FAM120AOS: variants seen among roughly 807,000 people sequenced by gnomAD.
The protein encoded by FAM120AOS is uncharacterized protein FAM120AOS.
In FAM120AOS, 15 loss-of-function variants were observed where a neutral mutation model predicts 20.2. The observed-to-expected ratio is 0.74, with a 90% CI of 0.50 to 1.15. The LOEUF is 1.15. Among genes scored for constraint, FAM120AOS ranks in the 50% most tolerant of loss-of-function variants. The pLI is 0.00. For synonymous variants in FAM120AOS, 154 were observed against 154.0 expected (o/e 1.00, Z 0.00); for missense variants, 327 against 351.9 (o/e 0.93, Z 0.57).
At chr9:93,450,907 C>T (rs902106031) in intron 1 of FAM120AOS, 14 of 1,051,802 alleles carry the variant, frequency 1.3e-5, no homozygotes, top group Admixed American at 4.0e-5. Flanking sequence ...CTAGCCATTG[C>T]GCAGTGGTAA....
intron 1 of FAM120AOS, chr9:93,451,421 C>T: frequency 7.6e-7 from 1 of 1,317,034 alleles, no homozygotes; most frequent in Non-Finnish European, 9.7e-7. Context: ...GGGAGGGGAG[C>T]GGCGGCCGAC....
Position 93,446,851 on chromosome 9 carries a change from A to G in FAM120AOS, c.*760T>C, listed in dbSNP as rs1247798438. ...GAAAAAAACAAACCAAGCAACAAAA[A>G]CAAAAAGCAGGCAGTGCTGTGTTAG... On this transcript the variant is annotated 3_prime_UTR_variant, in exon 3 of 3. Transcript: ENST00000375412. 6.6e-6 allele frequency: 1 copy of G among 152,278 alleles called. No homozygotes were observed. Among genetic ancestry groups the G allele is most frequent in the Non-Finnish European group, 1.5e-5 (1 of 68,086 alleles). The allele number at this position is 152,278 out of a possible 1,614,324, so 9.4% of individuals were successfully genotyped here.
At chr9:93,451,808 C>G (rs1384356753) in intron 1 of FAM120AOS, 26 of 974,728 alleles carry the variant, frequency 2.7e-5, no homozygotes, top group Middle Eastern at 5.2e-4. Context: ...CCCAGTCCCC[C>G]CTAGAGGCCG....
In FAM120AOS at chr9:93,453,504, G is replaced by C; in HGVS notation, c.-795C>G. ...TGTCATTTGACATTTCCTTGAAACT[G>C]CTGGAGCTGAAAGTTTGTGAAATTC... On this transcript the variant is annotated 5_prime_UTR_variant, in exon 1 of 3. Transcript: ENST00000375412. 1.0e-6 allele frequency: 1 copy of C among 985,430 alleles called. No homozygotes were observed. The highest frequency in any genetic ancestry group is 1.2e-6 in the Non-Finnish European group (1 of 829,942). 61.0% of individuals were successfully genotyped at this position (985,430 alleles called of 1,614,324 possible). A position where few individuals can be genotyped will look rare whatever the true frequency, so the allele number is the denominator to read the frequency against.
intron 1 of FAM120AOS, chr9:93,450,888 C>T: frequency 1.0e-6 from 1 of 971,798 alleles, no homozygotes; most frequent in Non-Finnish European, 1.6e-6. Context: ...CAAAGGCGCA[C>T]GTTTCAGTCT....
In FAM120AOS at chr9:93,452,017, C is replaced by A; in HGVS notation, c.563+130G>T. The stretch of plus-strand genomic sequence containing the variant: ...TGGCCCGGGGCAGCCTGGTGGGCGG[C>A]GGGCGGCAGCGGCCCCCGCAGACCC... On this transcript the variant is annotated intron_variant, in intron 1 of 2. Transcript: ENST00000375412. This position sits in a 1 kb window ranked among gnomAD's most constrained non-coding sequence, Gnocchi z 7.0. 6.4e-7 allele frequency: 1 copy of A among 1,556,650 alleles called. No homozygotes were observed. Among genetic ancestry groups the A allele is most frequent in the Non-Finnish European group, 8.7e-7 (1 of 1,151,732 alleles).
rs149410459 is a variant in FAM120AOS at position 93,446,318 on chromosome 9, C to T, written c.*1293G>A. On this transcript the variant is annotated 3_prime_UTR_variant, in exon 3 of 3. Transcript: ENST00000375412. ...TCAGCTTCATGTGATCTAGGTTACT[C>T]AAGCCTGGGGCTAGTGTTTTCATAT... Among the ~76,000 whole-genome samples the T allele has an allele frequency of 1.1e-4, 16 of 152,318 alleles. No individual in the cohort carries two copies. The highest frequency in any genetic ancestry group is 3.8e-4 in the African/African-American group (16 of 41,566).
chr9:93,451,574 C>T, intron 1 of FAM120AOS: 1 of 984,358 alleles, frequency 1.0e-6, no homozygotes, highest in Non-Finnish European at 1.2e-6. Flanking sequence ...CCCGCCGGCG[C>T]CGCCTCTTCC....
intron 1 of FAM120AOS, chr9:93,451,759 A>G (rs1339092289): frequency 2.8e-5 from 27 of 977,370 alleles, no homozygotes; most frequent in Middle Eastern, 5.2e-4. Flanking sequence ...GCGGCAGCAC[A>G]TGGCGGCCGC....
At position 93,452,374 on chromosome 9, in the gene FAM120AOS, C is replaced by T. The variant is rs368893571; in HGVS notation, c.336G>A (p.Arg112=). 5.0e-6 allele frequency: 8 copies of T among 1,609,274 alleles called. No individual in the cohort carries two copies. The highest frequency in any genetic ancestry group is 5.9e-6 in the Non-Finnish European group (7 of 1,178,516). The change falls in exon 1 of 3, where the codon CGG becomes CGA. Residue 112 remains arginine, a synonymous_variant. Coordinates refer to ENST00000375412, the MANE Select transcript of FAM120AOS (RefSeq NM_198841.4). The surrounding 1 kb of genome is among the most constrained non-coding windows in gnomAD (Gnocchi z 7.0). The part of the protein sequence containing the change: ...RIPGLTLTWK[R]MSARRMQWAM... ...CCCACTGCATCCGCCTGGCGCTCAT[C>T]CGCTTCCACGTCAAGGTGAGGCCGG...
rs1277914583 is a variant in FAM120AOS at position 93,444,197 on chromosome 9, C to T, written c.*3414G>A. Among the ~76,000 whole-genome samples, 1 of 152,020 alleles carries T rather than the reference C, an allele frequency of 6.6e-6. No individual in the cohort carries two copies. Among genetic ancestry groups the T allele is most frequent in the African/African-American group, 2.4e-5 (1 of 41,370 alleles). On this transcript the variant is annotated 3_prime_UTR_variant, in exon 3 of 3. Coordinates refer to ENST00000375412, the MANE Select transcript of FAM120AOS (RefSeq NM_198841.4). ...CTGGAATTATAGGCATGCACCACCA[C>T]GCCCAGCTAATTTTGTGTTTTTAGT...
chr9:93,451,023 G>C, intron 1 of FAM120AOS: 1 of 1,546,548 alleles, frequency 6.5e-7, no homozygotes, highest in South Asian at 1.2e-5. Flanking sequence ...TGGTGTGTTT[G>C]GCCATGTCAT....
chr9:93,445,583 G>GTTTT lies in FAM120AOS; in HGVS notation c.*2024_*2027dup, dbSNP rs71364380. Among the ~76,000 whole-genome samples the GTTTT allele has an allele frequency of 0.012, 936 of 80,046 alleles. 15 individuals are homozygous for GTTTT. Among genetic ancestry groups the GTTTT allele is most frequent in the East Asian group, 0.024 (57 of 2,386 alleles). 52.5% of individuals were successfully genotyped at this position (80,046 alleles called of 152,430 possible). On this transcript the variant is annotated 3_prime_UTR_variant, in exon 3 of 3. Transcript: ENST00000375412. Reference sequence around the variant, plus strand: ...TTCTCCAACTTTCATAAAAATCGTTGTTTTTTTTTTTTTTTTTTTTTTTTG... The same window carrying GTTTT: ...TTCTCCAACTTTCATAAAAATCGTTGTTTTTTTTTTTTTTTTTTTTTTTTTTTTG...
intron 1 of FAM120AOS, chr9:93,451,160 G>T: frequency 1.3e-6 from 2 of 1,550,222 alleles, no homozygotes. Context: ...CCAGCATCCC[G>T]CTCTCCCGGA....
At position 93,452,508 on chromosome 9, in the gene FAM120AOS, C is replaced by A; in HGVS notation, c.202G>T (p.Ala68Ser). 2.6e-6 allele frequency: 4 copies of A among 1,549,276 alleles called. No homozygotes were observed. In the South Asian group the frequency reaches 4.6e-5, roughly 18 times the overall value. ...PGPARLSRAR[A>S]GGTRCPQRRH... ...CGCTGGGGGCAGCGAGTTCCCCCAG[C>A]CCTTGCCCGGGATAGCCTGGCCGGG... The change falls in exon 1 of 3, where the codon GCT becomes TCT. Residue 68 changes from alanine to serine, a missense_variant. Physicochemically the swap from Ala to Ser is moderately conservative, Grantham distance 99. This residue lies in a region of FAM120AOS where 155 missense variants were observed against 128.8 expected (regional missense o/e 1.20). Transcript: ENST00000375412. The surrounding 1 kb of genome is among the most constrained non-coding windows in gnomAD (Gnocchi z 7.0).
chr9:93,448,515 T>C (rs1856940758), intron 2 of FAM120AOS: 2 of 188,478 alleles, frequency 1.1e-5, no homozygotes, highest in Non-Finnish European at 1.1e-5. Flanking sequence ...ATAAATAAAA[T>C]AAATACAAAA....
At chr9:93,449,062 T>TTC (rs1564292291) in intron 2 of FAM120AOS, among the ~76,000 whole-genome samples, 1 of 134,398 alleles carries the variant, frequency 7.4e-6, no homozygotes. Context: ...AAATAAAGTT[T>TTC]TTTTTTTTTT....
At chr9:93,451,111 G>A (rs1481079608) in intron 1 of FAM120AOS, 20 of 1,550,444 alleles carry the variant, frequency 1.3e-5, no homozygotes, top group Admixed American at 3.9e-5. Flanking sequence ...GCATTCTCGC[G>A]CTCCTTCCTG....
chr9:93,448,520 A>C (rs1856940843), intron 2 of FAM120AOS: 1 of 184,020 alleles, frequency 5.4e-6, no homozygotes, highest in African/African-American at 2.4e-5. Context: ...TAAAATAAAT[A>C]CAAAATAAAA....
Sources: allele counts gnomAD v4.1 joint callset (sites outside exome capture counted in the v4.1 genomes callset), GRCh38; gene constraint gnomAD v4.1.1; regional missense constraint gnomAD v4.1.1; non-coding constraint Gnocchi (gnomAD v3.1); transcripts MANE v1.5; gene names NCBI Gene and HGNC (gene_info 2026-07-23, HGNC 2026-07-21).